DYNC2H1: variants seen among roughly 807,000 people sequenced by gnomAD.
DYNC2H1 encodes dynein cytoplasmic 2 heavy chain 1.
DYNC2H1 carries 410 observed loss-of-function variants against 570.0 expected under a neutral mutation model. The observed-to-expected ratio is 0.72, with a 90% CI of 0.66 to 0.78. DYNC2H1 has a LOEUF of 0.78. Among genes scored for constraint, DYNC2H1 ranks in the 30% least tolerant of loss-of-function variants. DYNC2H1 has a pLI of 0.00. For missense variants in DYNC2H1, 4,865 were observed against 5,046.4 expected, an observed-to-expected ratio of 0.96 and a Z score of 1.09; for synonymous variants, 1,688 against 1,677.6, an observed-to-expected ratio of 1.01 and a Z score of -0.15.
At position 103,326,727 on chromosome 11, in the gene DYNC2H1, C is replaced by T. The variant is rs547172161; in HGVS notation, c.12039+2737C>T. Among the ~76,000 whole-genome samples, 2 of 152,288 alleles carry T rather than the reference C, an allele frequency of 1.3e-5. No homozygotes were observed. Among genetic ancestry groups the T allele is most frequent in the African/African-American group, 2.4e-5 (1 of 41,564 alleles). On this transcript the variant is annotated intron_variant, in intron 82 of 88. Transcript: ENST00000375735. This position sits in a 1 kb window ranked among gnomAD's most constrained non-coding sequence, Gnocchi z 6.1. The stretch of plus-strand genomic sequence containing the variant: ...CCTGCGGGGTGGCTATGGAGGGGCT[C>T]GGCAGTGGGAAGGCCTGCAGAACAG...
rs1313054974 is a variant in DYNC2H1 at position 103,161,072 on chromosome 11, A to G, written c.4491+28A>G. The G allele has an allele frequency of 3.2e-6, 4 of 1,234,816 alleles. No homozygotes were observed. In the Admixed American group the frequency reaches 9.4e-5, roughly 29 times the overall value. The allele number at this position is 1,234,816 out of a possible 1,614,324, so 76.5% of individuals were successfully genotyped here. Reference sequence around the variant, plus strand: ...AAGCAATTCTTTTTCAAATATGAAAACAAAAAGAATTAACTATATATGAAC... The same window carrying G: ...AAGCAATTCTTTTTCAAATATGAAAGCAAAAAGAATTAACTATATATGAAC... On this transcript the variant is annotated intron_variant, in intron 29 of 88. Coordinates refer to ENST00000375735, the MANE Select transcript of DYNC2H1 (RefSeq NM_001377.3).
At chr11:103,407,076 T>C (rs1264190518) in intron 84 of DYNC2H1, 1 of 151,886 alleles carries the variant, frequency 6.6e-6, no homozygotes, top group Non-Finnish European at 1.5e-5. Flanking sequence ...TGGTGGCTGC[T>C]TCTCCAGGGC....
At position 103,446,520 on chromosome 11, in the gene DYNC2H1, T is replaced by C. The variant is rs1944428239; in HGVS notation, c.12457-8666T>C. Among the ~76,000 whole-genome samples the C allele has an allele frequency of 6.6e-6, 1 of 152,140 alleles. No individual in the cohort carries two copies. The highest frequency in any genetic ancestry group is 1.5e-5 in the Non-Finnish European group (1 of 68,024). ...AGATGTTTTGTGAAGTTCTAAAGAATGAAAGCCTGGTCATATGAGTTTAAA... is the reference window on the plus strand; with the variant it reads ...AGATGTTTTGTGAAGTTCTAAAGAACGAAAGCCTGGTCATATGAGTTTAAA... On this transcript the variant is annotated intron_variant, in intron 85 of 88. Coordinates refer to ENST00000375735, the MANE Select transcript of DYNC2H1 (RefSeq NM_001377.3). This position sits in a 1 kb window ranked among gnomAD's most constrained non-coding sequence, Gnocchi z 4.5.
At position 103,117,667 on chromosome 11, in the gene DYNC2H1, G is replaced by A. The variant is rs1858481870; in HGVS notation, c.803G>A (p.Gly268Glu). The stretch of plus-strand genomic sequence containing the variant: ...GGAAGGTTTGTTCAGAAAAAGTTGG[G>A]AACTTTGAACCTGTGGGAAGATCCT... ...SFGRFVQKKL[G>E]TLNLWEDPYY... Residue 268 changes from glycine to glutamate, a missense_variant, in exon 6 of 89, where the codon GGA becomes GAA. By Grantham distance (98) the Gly-to-Glu change is moderately conservative. Transcript: ENST00000375735. 1.2e-6 allele frequency: 2 copies of A among 1,606,508 alleles called. No homozygotes were observed. The highest frequency in any genetic ancestry group is 2.2e-5 in the East Asian group (1 of 44,782).
rs201863754 is a variant in DYNC2H1, at chr11:103,168,951, T to C, written c.4959T>C (p.Tyr1653=). 1.7e-4 allele frequency: 276 copies of C among 1,609,848 alleles called. 1 individual carries two copies. The highest frequency in any genetic ancestry group is 1.3e-4 in the Admixed American group (8 of 59,592). The part of the protein sequence containing the change: ...QMVDSEFQYT[Y]EYQGNASKLV... ...TGGATTCTGAATTTCAGTATACTTA[T>C]GAATATCAGGTATGAGTTGTGGCAG... The change falls in exon 32 of 89, where the codon TAT becomes TAC. Residue 1653 remains tyrosine, a synonymous_variant. Coordinates refer to ENST00000375735, the MANE Select transcript of DYNC2H1 (RefSeq NM_001377.3).
At chr11:103,314,630 G>A (rs940223072) in intron 79 of DYNC2H1, among the ~76,000 whole-genome samples, 10 of 151,892 alleles carry the variant, frequency 6.6e-5, no homozygotes, top group African/African-American at 2.2e-4. Context: ...AGGGGATACA[G>A]CAATTCACTT....
rs1248128912 is a variant in DYNC2H1 at position 103,261,676 on chromosome 11, C to T, written c.10695+1699C>T. ...AACATCAACAAAAAGGACATCTATACAAAAACCCCATCCGAAGGTCACCAA... is the reference window on the plus strand; with the variant it reads ...AACATCAACAAAAAGGACATCTATATAAAAACCCCATCCGAAGGTCACCAA... On this transcript the variant is annotated intron_variant, in intron 70 of 88. Coordinates refer to ENST00000375735, the MANE Select transcript of DYNC2H1 (RefSeq NM_001377.3). This position sits in a 1 kb window ranked among gnomAD's most constrained non-coding sequence, Gnocchi z 4.8. Among the ~76,000 whole-genome samples, 2 of 152,144 alleles carry T rather than the reference C, an allele frequency of 1.3e-5. No homozygotes were observed. The highest frequency in any genetic ancestry group is 1.9e-4 in the East Asian group (1 of 5,198).
chr11:103,221,953 AT>A, intron 57 of DYNC2H1, 76 bp from the exon 58 acceptor site: 1 of 1,506,468 alleles, frequency 6.6e-7, no homozygotes, highest in South Asian at 1.2e-5. Flanking sequence ...TGCATACACC[AT>A]TTTGTTAAAC....
intron 63 of DYNC2H1, among the ~76,000 whole-genome samples, chr11:103,236,951 A>C (rs1864246018): frequency 1.3e-5 from 2 of 151,796 alleles, no homozygotes; most frequent in Admixed American, 1.3e-4. Context: ...TTGGCTTATC[A>C]ATTAGAGATA....
chr11:103,242,206 C>CAT (rs1049882868), intron 63 of DYNC2H1, among the ~76,000 whole-genome samples: 4 of 152,060 alleles, frequency 2.6e-5, no homozygotes, highest in African/African-American at 7.2e-5. Context: ...TACATACATG[C>CAT]ATATATATAC....
At chr11:103,386,130 T>G (rs1941859667) in intron 83 of DYNC2H1, among the ~76,000 whole-genome samples, 1 of 152,252 alleles carries the variant, frequency 6.6e-6, no homozygotes, top group Admixed American at 6.5e-5. Flanking sequence ...TTTAAGAATA[T>G]GCTTTAATAT....
intron 71 of DYNC2H1, 131 bp from the exon 72 acceptor site, chr11:103,282,048 G>T: frequency 1.6e-6 from 1 of 638,090 alleles, no homozygotes; most frequent in Non-Finnish European, 2.7e-6. Context: ...CATACTAGAA[G>T]AAGTGGTAAG....
chr11:103,335,547 C>A (rs933072733), intron 82 of DYNC2H1, among the ~76,000 whole-genome samples: 18 of 151,798 alleles, frequency 1.2e-4, no homozygotes, highest in African/African-American at 4.1e-4. Flanking sequence ...TAAATGGGAA[C>A]CTGTACAAGG....
At position 103,170,154 on chromosome 11, in the gene DYNC2H1, A is replaced by G; in HGVS notation, c.5015A>G (p.Tyr1672Cys). The change falls in exon 33 of 89, where the codon TAC becomes TGC. Residue 1672 changes from tyrosine to cysteine, a missense_variant. Tyr to Cys is a radical substitution (Grantham distance 194). Transcript: ENST00000375735. The surrounding 1 kb of genome is among the most constrained non-coding windows in gnomAD (Gnocchi z 4.8). Reference sequence around the variant, plus strand: ...TATACTCCACTGACAGACAAGTGCTACTTAACTCTCACTCAAGCCATGAAG... The same window carrying G: ...TATACTCCACTGACAGACAAGTGCTGCTTAACTCTCACTCAAGCCATGAAG... ...LVYTPLTDKC[Y>C]LTLTQAMKMG... 1.2e-6 allele frequency: 2 copies of G among 1,613,162 alleles called. No individual in the cohort carries two copies. The highest frequency in any genetic ancestry group is 1.1e-5 in the South Asian group (1 of 91,000).
Position 103,116,592 on chromosome 11 carries a change from T to C in DYNC2H1, c.644T>C (p.Leu215Pro), listed in dbSNP as rs776257558. ...IAREFYNLDS[L>P]SLLEVVDLVE... ...TAGGAGTTTTATAACTTGGACAGTC[T>C]ATCCTTACTAGAAGTTGTTGACTTG... The change falls in exon 5 of 89, where the codon CTA (leucine) becomes CCA (proline). Residue 215 changes from leucine (L) to proline (P), a missense_variant. By Grantham distance (98) the Leu-to-Pro change is moderately conservative. Coordinates refer to ENST00000375735, the MANE Select transcript of DYNC2H1 (RefSeq NM_001377.3). 1 of 1,605,658 alleles carries C rather than the reference T, an allele frequency of 6.2e-7. No individual in the cohort carries two copies. Among genetic ancestry groups the C allele is most frequent in the East Asian group, 2.2e-5 (1 of 44,526 alleles).
intron 84 of DYNC2H1, chr11:103,407,469 AG>A (rs1264662894): frequency 6.6e-6 from 1 of 152,008 alleles, no homozygotes; most frequent in African/African-American, 2.4e-5. Context: ...GCTGGAAATT[AG>A]AATAGGCATT....
In DYNC2H1 at chr11:103,133,974, A is replaced by C. The variant is rs1220066325; in HGVS notation, c.2106+267A>C. On this transcript the variant is annotated intron_variant, in intron 14 of 88. Coordinates refer to ENST00000375735, the MANE Select transcript of DYNC2H1 (RefSeq NM_001377.3). This position sits in a 1 kb window ranked among gnomAD's most constrained non-coding sequence, Gnocchi z 4.8. ...TTTTTTTTCCAGGATACAATCTAGA[A>C]TCCAACTCTGCCCTTAGTTGTTGAG... Among the ~76,000 whole-genome samples the C allele has an allele frequency of 6.6e-6, 1 of 152,144 alleles. No homozygotes were observed. Among genetic ancestry groups the C allele is most frequent in the Non-Finnish European group, 1.5e-5 (1 of 68,018 alleles).
At chr11:103,350,620 G>C (rs1481212692) in intron 82 of DYNC2H1, among the ~76,000 whole-genome samples, 1 of 152,146 alleles carries the variant, frequency 6.6e-6, no homozygotes, top group African/African-American at 2.4e-5. Flanking sequence ...TTAAACAACA[G>C]AAATTTATTT....
intron 3 of DYNC2H1, 93 bp downstream of exon 3, chr11:103,114,331 A>T (rs1049934777): frequency 7.4e-7 from 1 of 1,358,756 alleles, no homozygotes; most frequent in African/African-American, 1.5e-5. Flanking sequence ...ATTTCTTCAA[A>T]TACTTTTGGA....
Sources: allele counts gnomAD v4.1 joint callset (sites outside exome capture counted in the v4.1 genomes callset), GRCh38; gene constraint gnomAD v4.1.1; non-coding constraint Gnocchi (gnomAD v3.1); transcripts MANE v1.5; gene names NCBI Gene and HGNC (gene_info 2026-07-23, HGNC 2026-07-21).